Variants in ITGA8 observed in about 807,000 individuals in gnomAD.
The protein encoded by ITGA8 is integrin subunit alpha 8.
In ITGA8, 91 loss-of-function variants were observed where a neutral mutation model predicts 142.3. That is an observed-to-expected ratio of 0.64 (90% CI 0.54 to 0.76). The LOEUF is 0.76. ITGA8 is among the 30% of genes least tolerant of loss of function. The probability of loss-of-function intolerance (pLI) is 0.00; values close to 1 mark genes in which losing one functional copy is unlikely to be tolerated. For missense variants in ITGA8, 1,406 were observed against 1,327.7 expected, an observed-to-expected ratio of 1.06 and a Z score of -0.92; for synonymous variants, 505 against 485.2, an observed-to-expected ratio of 1.04 and a Z score of -0.54.
intron 8 of ITGA8, among the ~76,000 whole-genome samples, chr10:15,666,380 C>T (rs889078539): frequency 1.3e-5 from 2 of 152,160 alleles, no homozygotes; most frequent in Non-Finnish European, 2.9e-5. Context: ...TGTCCTGAGA[C>T]TTTGCTGAAG....
chr10:15,694,295 CATATATATGATA>C (rs1240109986), intron 2 of ITGA8, among the ~76,000 whole-genome samples: 92 of 123,988 alleles, frequency 7.4e-4, no homozygotes, highest in African/African-American at 3.0e-3. Flanking sequence ...GATAATATAT[CATATATATGATA>C]ATATATCATA....
At chr10:15,546,221 G>T (rs530929900) in intron 27 of ITGA8, among the ~76,000 whole-genome samples, 1 of 152,134 alleles carries the variant, frequency 6.6e-6, no homozygotes, top group South Asian at 2.1e-4. Context: ...TTTCTTCCCG[G>T]CACTGATGCA....
At chr10:15,703,954 C>T (rs1004260042) in intron 2 of ITGA8, among the ~76,000 whole-genome samples, 3 of 152,170 alleles carry the variant, frequency 2.0e-5, no homozygotes, top group Admixed American at 2.0e-4. Flanking sequence ...ATTAGAACTG[C>T]CAGGCACTAC....
intron 15 of ITGA8, chr10:15,611,600 T>A (rs2131614572): frequency 6.6e-6 from 1 of 151,226 alleles, no homozygotes; most frequent in Admixed American, 6.6e-5. Context: ...CATGCCATTC[T>A]CCTGCCTCAG....
At chr10:15,670,036 A>G (rs1448878784) in intron 8 of ITGA8, among the ~76,000 whole-genome samples, 1 of 152,092 alleles carries the variant, frequency 6.6e-6, no homozygotes, top group Admixed American at 6.6e-5. Flanking sequence ...ACTCTCTTCA[A>G]AGCTCAGTTG....
At chr10:15,675,135 G>C (rs538311933) in intron 6 of ITGA8, among the ~76,000 whole-genome samples, 1 of 152,250 alleles carries the variant, frequency 6.6e-6, no homozygotes, top group South Asian at 2.1e-4. Flanking sequence ...CCCATGGACT[G>C]AGTTATCACC....
At chr10:15,603,330 G>A (rs1218670868) in intron 20 of ITGA8, among the ~76,000 whole-genome samples, 2 of 152,102 alleles carry the variant, frequency 1.3e-5, no homozygotes, top group African/African-American at 4.8e-5. Flanking sequence ...AGGTCCTCAG[G>A]GGGTGTGGTA....
At chr10:15,704,042 C>A (rs1835213921) in intron 2 of ITGA8, among the ~76,000 whole-genome samples, 1 of 152,218 alleles carries the variant, frequency 6.6e-6, no homozygotes, top group South Asian at 2.1e-4. Context: ...TAATGGTAAC[C>A]CCATTAACCA....
chr10:15,707,730 G>A (rs1199843435), intron 2 of ITGA8, among the ~76,000 whole-genome samples: 1 of 151,726 alleles, frequency 6.6e-6, no homozygotes, highest in Non-Finnish European at 1.5e-5. Flanking sequence ...GGCTGAGGCA[G>A]GAGAATTGCT....
At chr10:15,623,455 G>A (rs549504988) in intron 13 of ITGA8, among the ~76,000 whole-genome samples, 29 of 152,310 alleles carry the variant, frequency 1.9e-4, no homozygotes, top group Non-Finnish European at 3.5e-4. Flanking sequence ...AAAGGCTGAG[G>A]TGGGTGGATC....
intron 10 of ITGA8, 79 bp from the exon 11 acceptor site, chr10:15,655,485 A>G: frequency 2.1e-6 from 2 of 944,924 alleles, no homozygotes; most frequent in South Asian, 2.8e-5. Flanking sequence ...TTCCTGAAAG[A>G]TTCATCTCAT....
chr10:15,683,852 C>T, intron 4 of ITGA8, 152 bp downstream of exon 4: 1 of 728,592 alleles, frequency 1.4e-6, no homozygotes, highest in South Asian at 1.9e-5. Context: ...ATCAAGACAC[C>T]TGTAAGGCTG....
Position 15,531,554 on chromosome 10 carries a change from A to G in ITGA8, c.2881-403T>C, listed in dbSNP as rs555202497. ...GCAAAGAATTTATATAGTTACTGCT[A>G]GTGAAGGACAAAGGAGAAACATAAT... On this transcript the variant is annotated intron_variant, in intron 27 of 29. Coordinates refer to ENST00000378076, the MANE Select transcript of ITGA8 (RefSeq NM_003638.3). Among the ~76,000 whole-genome samples the G allele has an allele frequency of 2.0e-5, 3 of 152,378 alleles. No homozygotes were observed. The South Asian group carries it at 6.2e-4, about 32-fold the overall frequency.
intron 26 of ITGA8, among the ~76,000 whole-genome samples, chr10:15,557,861 G>T (rs908837078): frequency 6.6e-6 from 1 of 152,232 alleles, no homozygotes; most frequent in Non-Finnish European, 1.5e-5. Context: ...CTCCATGGCA[G>T]CTTTAGAAAA....
At chr10:15,681,887 C>A (rs1834744432) in intron 4 of ITGA8, among the ~76,000 whole-genome samples, 1 of 152,126 alleles carries the variant, frequency 6.6e-6, no homozygotes, top group Non-Finnish European at 1.5e-5. Context: ...TGAATCTCTC[C>A]ACTACCATTC....
intron 8 of ITGA8, among the ~76,000 whole-genome samples, chr10:15,670,554 C>G (rs1201976144): frequency 6.6e-6 from 1 of 152,114 alleles, no homozygotes; most frequent in African/African-American, 2.4e-5. Context: ...TAAATAATAA[C>G]AATACATAAC....
At chr10:15,662,513 A>G (rs1588706369) in intron 8 of ITGA8, among the ~76,000 whole-genome samples, 1 of 151,414 alleles carries the variant, frequency 6.6e-6, no homozygotes, top group Non-Finnish European at 1.5e-5. Flanking sequence ...TAGTTTTTGT[A>G]TATTTTGTAG....
intron 2 of ITGA8, among the ~76,000 whole-genome samples, chr10:15,709,514 T>C (rs1380423422): frequency 2.0e-5 from 3 of 152,218 alleles, no homozygotes; most frequent in Non-Finnish European, 4.4e-5. Context: ...CACCAATTCA[T>C]GCTATGATGT....
At chr10:15,537,960 A>G (rs932434419) in intron 27 of ITGA8, among the ~76,000 whole-genome samples, 5 of 144,638 alleles carry the variant, frequency 3.5e-5, no homozygotes, top group Non-Finnish European at 7.4e-5. Context: ...TCTACAAAAA[A>G]CAAAACAAAA....
Sources: allele counts gnomAD v4.1 joint callset (sites outside exome capture counted in the v4.1 genomes callset), GRCh38; gene constraint gnomAD v4.1.1; transcripts MANE v1.5; gene names NCBI Gene and HGNC (gene_info 2026-07-23, HGNC 2026-07-21).